SPATA6L: variants seen among roughly 807,000 people sequenced by gnomAD.
The protein encoded by SPATA6L is spermatogenesis associated 6-like protein.
In SPATA6L, 68 loss-of-function variants were observed where a neutral mutation model predicts 49.2. That is an observed-to-expected ratio of 1.38 (90% confidence interval 1.14 to 1.69). The LOEUF (loss-of-function observed/expected upper bound fraction) is 1.69, where lower values mean the gene tolerates loss of function less well. Ranked by LOEUF, SPATA6L falls within the 40% of genes most tolerant of loss-of-function variation. The probability of loss-of-function intolerance (pLI) is 0.00; values close to 1 mark genes in which losing one functional copy is unlikely to be tolerated. For missense variants in SPATA6L, 668 were observed against 464.3 expected (o/e 1.44, Z -4.03); for synonymous variants, 198 against 165.7 (o/e 1.19, Z -1.50).
intron 3 of SPATA6L, among the ~76,000 whole-genome samples, chr9:4,642,502 C>T (rs907150084): frequency 3.3e-5 from 5 of 152,156 alleles, no homozygotes; most frequent in South Asian, 4.2e-4. Context: ...CTGTCTCCAG[C>T]GGCAGCCTTT....
chr9:4,630,769 G>T (rs1831355743), intron 4 of SPATA6L, among the ~76,000 whole-genome samples: 2 of 152,182 alleles, frequency 1.3e-5, no homozygotes, highest in Admixed American at 1.3e-4. Context: ...GTGCTATTAA[G>T]GGTTTCTATA....
At chr9:4,590,631 G>T (rs1467644545) in intron 13 of SPATA6L, among the ~76,000 whole-genome samples, 1 of 152,138 alleles carries the variant, frequency 6.6e-6, no homozygotes, top group African/African-American at 2.4e-5. Context: ...TCTTCTAGGG[G>T]ATTTCCACTG....
At chr9:4,608,153 G>GT (rs1825774897) in intron 9 of SPATA6L, among the ~76,000 whole-genome samples, 1 of 95,092 alleles carries the variant, frequency 1.1e-5, no homozygotes, top group Non-Finnish European at 2.0e-5. Flanking sequence ...AGCAAGTCCT[G>GT]AGTGACCTAC....
intron 3 of SPATA6L, among the ~76,000 whole-genome samples, chr9:4,648,476 G>A (rs930590559): frequency 8.6e-5 from 13 of 152,010 alleles, no homozygotes; most frequent in East Asian, 1.9e-4. Flanking sequence ...GAGGCGGGCG[G>A]ATCACAAGGT....
At chr9:4,659,700 A>C (rs564805622) in intron 2 of SPATA6L, among the ~76,000 whole-genome samples, 46 of 152,322 alleles carry the variant, frequency 3.0e-4, no homozygotes, top group African/African-American at 1.1e-3. Context: ...TATGGAACCA[A>C]AAAAGAGCCC....
At chr9:4,646,900 A>G (rs1398862643) in intron 3 of SPATA6L, among the ~76,000 whole-genome samples, 1 of 152,170 alleles carries the variant, frequency 6.6e-6, no homozygotes, top group Middle Eastern at 3.2e-3. Flanking sequence ...GGGGACCAAT[A>G]CACACTGGGG....
intron 9 of SPATA6L, among the ~76,000 whole-genome samples, chr9:4,615,320 A>C (rs1265816651): frequency 6.6e-6 from 1 of 152,152 alleles, no homozygotes; most frequent in Non-Finnish European, 1.5e-5. Flanking sequence ...AGAGATCAGG[A>C]GAAATGTCTT....
Position 4,604,179 on chromosome 9 carries a change from C to G in SPATA6L, c.*1G>C. 1.2e-6 allele frequency: 2 copies of G among 1,604,816 alleles called. No individual in the cohort carries two copies. The highest frequency in any genetic ancestry group is 3.4e-5 in the Admixed American group (2 of 59,252). On this transcript the variant is annotated splice_region_variant and 3_prime_UTR_variant, in exon 11 of 12. Transcript: ENST00000682582. The stretch of plus-strand genomic sequence containing the variant: ...GCTGCTTACTTACATAAGACAGTAC[C>G]TTAAAAATATCTCTGTTCATGCAGT...
In SPATA6L at chr9:4,638,385, G is replaced by C. The variant is rs531549920; in HGVS notation, c.227-2986C>G. Among the ~76,000 whole-genome samples the C allele has an allele frequency of 2.5e-3, 383 of 152,136 alleles. 4 individuals carry two copies. The highest frequency in any genetic ancestry group is 9.0e-3 in the African/African-American group (375 of 41,502). On this transcript the variant is annotated intron_variant, in intron 3 of 11. Coordinates refer to ENST00000682582, the MANE Select transcript of SPATA6L (RefSeq NM_001353486.2). ...CCGCCACCAAGCCTGGCTAATTTTT[G>C]TACTTTTAGTAGACACGGGGTTTCA... is the stretch of plus-strand genomic sequence containing the variant.
intron 3 of SPATA6L, among the ~76,000 whole-genome samples, chr9:4,647,522 G>T (rs954741195): frequency 2.1e-4 from 32 of 152,138 alleles, no homozygotes; most frequent in African/African-American, 7.7e-4. Context: ...AACCTGGGAG[G>T]TGAAGGCTGC....
intron 3 of SPATA6L, among the ~76,000 whole-genome samples, chr9:4,635,658 C>G (rs1403476766): frequency 6.6e-6 from 1 of 152,186 alleles, no homozygotes; most frequent in African/African-American, 2.4e-5. Context: ...GAAAAACTAT[C>G]TTTCCATATA....
intron 3 of SPATA6L, among the ~76,000 whole-genome samples, chr9:4,639,968 C>A (rs932313065): frequency 6.6e-6 from 1 of 152,134 alleles, no homozygotes; most frequent in Non-Finnish European, 1.5e-5. Context: ...AATTCAAAAC[C>A]AAATAATCTG....
chr9:4,662,635 C>T lies in SPATA6L; in HGVS notation c.40-599G>A, dbSNP rs756353331. The T allele has an allele frequency of 6.3e-7, 1 of 1,598,420 alleles. No homozygotes were observed. The highest frequency in any genetic ancestry group is 8.5e-7 in the Non-Finnish European group (1 of 1,179,432). ...TCGCAGTCGCCCGCGCCTCCGCTGC[C>T]CGAGGAGGACCGCATGGACTTGAAC... On this transcript the variant is annotated intron_variant, in intron 1 of 11. Transcript: ENST00000682582. This position sits in a 1 kb window ranked among gnomAD's most constrained non-coding sequence, Gnocchi z 4.9.
chr9:4,604,256 G>A lies in SPATA6L; in HGVS notation c.1103C>T (p.Ser368Phe), dbSNP rs368926781. Residue 368 changes from serine to phenylalanine, a missense_variant, in exon 11 of 12, where the codon TCT (serine) becomes TTT (phenylalanine). Transcript: ENST00000682582. ...TCTTTCAATGATATAATTTACTTCA[G>A]AGGTAGAATCTTCCTACAATAAAAA... ...QLHQNKEDSTSEVNYIIERPS... is the reference protein window; with the variant it reads ...QLHQNKEDSTFEVNYIIERPS... 1.9e-6 allele frequency: 3 copies of A among 1,608,338 alleles called. No homozygotes were observed. Among genetic ancestry groups the A allele is most frequent in the Admixed American group, 1.7e-5 (1 of 59,924 alleles).
At chr9:4,657,301 A>G (rs1047572755) in intron 2 of SPATA6L, among the ~76,000 whole-genome samples, 1 of 152,156 alleles carries the variant, frequency 6.6e-6, no homozygotes, top group Non-Finnish European at 1.5e-5. Flanking sequence ...TTTTTTGCCT[A>G]AATTATTTTA....
chr9:4,631,254 G>C (rs1009820825), intron 4 of SPATA6L, among the ~76,000 whole-genome samples: 1 of 152,042 alleles, frequency 6.6e-6, no homozygotes, highest in African/African-American at 2.4e-5. Context: ...TGGTGATAAT[G>C]GTTGGTCAAT....
At chr9:4,646,496 C>A in intron 3 of SPATA6L, 4 of 1,518,316 alleles carry the variant, frequency 2.6e-6, no homozygotes, top group Non-Finnish European at 3.5e-6. Context: ...CCTGGAGGAA[C>A]TAGCTGTATT....
intron 7 of SPATA6L, 148 bp downstream of exon 7, chr9:4,622,260 T>C (rs1829490722): frequency 5.0e-6 from 3 of 596,908 alleles, no homozygotes; most frequent in Non-Finnish European, 8.8e-6. Context: ...ATGGGAACAC[T>C]GCCCTGGAAA....
chr9:4,666,392 TC>T lies in SPATA6L; in HGVS notation c.-143del, dbSNP rs1030776106. On this transcript the variant is annotated 5_prime_UTR_variant, in exon 1 of 12. Transcript: ENST00000682582. ...GTCCCACGCCCTTGTTCCCCTACCG[TC>T]CCCCCCAGCCCAGGTCCCTCCCACC... 5.1e-5 allele frequency: 43 copies of T among 845,188 alleles called. No homozygotes were observed. The highest frequency in any genetic ancestry group is 6.0e-5 in the South Asian group (4 of 66,456). The allele number at this position is 845,188 out of a possible 1,614,324, so 52.4% of individuals were successfully genotyped here.
Sources: allele counts gnomAD v4.1 joint callset (sites outside exome capture counted in the v4.1 genomes callset), GRCh38; gene constraint gnomAD v4.1.1; non-coding constraint Gnocchi (gnomAD v3.1); transcripts MANE v1.5; gene names NCBI Gene and HGNC (gene_info 2026-07-23, HGNC 2026-07-21).